The following SORCS3 variants were observed in gnomAD, a reference collection of about 807,000 sequenced individuals.
SORCS3 encodes VPS10 domain-containing receptor SorCS3.
SORCS3 carries 57 observed loss-of-function variants against 146.3 expected under a neutral mutation model. The observed-to-expected ratio is 0.39, with a 90% CI of 0.31 to 0.49. The LOEUF (loss-of-function observed/expected upper bound fraction) is 0.49, where lower values mean the gene tolerates loss of function less well. SORCS3 is among the 20% of genes least tolerant of loss of function. The pLI is 0.92. For missense variants in SORCS3, 1,341 were observed against 1,575.5 expected (o/e 0.85, Z 2.52); for synonymous variants, 653 against 618.5 (o/e 1.06, Z -0.83).
At chr10:105,166,485 T>A (rs925050362) in intron 12 of SORCS3, among the ~76,000 whole-genome samples, 1 of 152,188 alleles carries the variant, frequency 6.6e-6, no homozygotes, top group Non-Finnish European at 1.5e-5. Flanking sequence ...CATTGATATA[T>A]GTGGGCTTAG....
chr10:104,983,844 G>C (rs2133656547), intron 4 of SORCS3, among the ~76,000 whole-genome samples: 1 of 152,014 alleles, frequency 6.6e-6, no homozygotes, highest in South Asian at 2.1e-4. Flanking sequence ...CCTATATCTT[G>C]ACCACTCACT....
intron 1 of SORCS3, among the ~76,000 whole-genome samples, chr10:104,823,341 AC>A (rs1450201881): frequency 1.3e-5 from 2 of 152,130 alleles, no homozygotes; most frequent in African/African-American, 4.8e-5. Flanking sequence ...TGGATCTCAA[AC>A]CTAGACTTGT....
intron 3 of SORCS3, among the ~76,000 whole-genome samples, chr10:104,958,972 C>A (rs2054773168): frequency 6.6e-6 from 1 of 152,034 alleles, no homozygotes; most frequent in Admixed American, 6.6e-5. Context: ...CACCTCCCAC[C>A]AGGTTCCTCC....
At chr10:105,162,498 G>GAGCC (rs1252455309) in intron 11 of SORCS3, among the ~76,000 whole-genome samples, 2 of 152,226 alleles carry the variant, frequency 1.3e-5, no homozygotes, top group East Asian at 3.9e-4. Context: ...ATCACCCACA[G>GAGCC]AGCCACCTAA....
chr10:104,876,187 C>T (rs550470493), intron 2 of SORCS3, among the ~76,000 whole-genome samples: 1 of 152,292 alleles, frequency 6.6e-6, no homozygotes, highest in South Asian at 2.1e-4. Flanking sequence ...GGGCAATAAA[C>T]ATTCCTGAAA....
At chr10:104,876,662 C>G (rs2018574908) in intron 2 of SORCS3, among the ~76,000 whole-genome samples, 1 of 151,966 alleles carries the variant, frequency 6.6e-6, no homozygotes, top group Admixed American at 6.6e-5. Flanking sequence ...ACACCATTGT[C>G]AGATGCTGTC....
intron 1 of SORCS3, among the ~76,000 whole-genome samples, chr10:104,718,792 A>T (rs754173512): frequency 1.2e-4 from 19 of 152,232 alleles, no homozygotes; most frequent in African/African-American, 2.2e-4. Context: ...GAGGAAGTCC[A>T]GGAAAGTGGG....
At chr10:105,018,069 TA>T (rs2055178058) in intron 4 of SORCS3, among the ~76,000 whole-genome samples, 1 of 152,204 alleles carries the variant, frequency 6.6e-6, no homozygotes, top group Non-Finnish European at 1.5e-5. Flanking sequence ...ATTTATGGGC[TA>T]AGTTAGCTGT....
intron 1 of SORCS3, among the ~76,000 whole-genome samples, chr10:104,705,602 T>G (rs2016328092): frequency 6.6e-6 from 1 of 152,214 alleles, no homozygotes; most frequent in Admixed American, 6.5e-5. Flanking sequence ...GTTTTGAGAA[T>G]GGACACGGTT....
At chr10:105,239,155 T>C (rs1280391964) in intron 20 of SORCS3, among the ~76,000 whole-genome samples, 1 of 152,212 alleles carries the variant, frequency 6.6e-6, no homozygotes, top group Non-Finnish European at 1.5e-5. Context: ...CTATAGATAG[T>C]ATTTTGCTTT....
chr10:105,169,070 T>C lies in SORCS3; in HGVS notation c.1901+1721T>C, dbSNP rs7099388. On this transcript the variant is annotated intron_variant, in intron 13 of 26. Transcript: ENST00000369701. ...ACTGTTCTAAACCATTTACATGAATTATCTCATTTAATGCTTGCCCAACCT... is the reference window on the plus strand; with the variant it reads ...ACTGTTCTAAACCATTTACATGAATCATCTCATTTAATGCTTGCCCAACCT... Among the ~76,000 whole-genome samples, 880 of 152,258 alleles carry C rather than the reference T, an allele frequency of 5.8e-3. 10 individuals are homozygous for C. Among genetic ancestry groups the C allele is most frequent in the African/African-American group, 0.02 (826 of 41,550 alleles).
intron 4 of SORCS3, among the ~76,000 whole-genome samples, chr10:105,013,626 T>C (rs1440071910): frequency 6.6e-6 from 1 of 152,004 alleles, no homozygotes; most frequent in Non-Finnish European, 1.5e-5. Flanking sequence ...AAAACAAAAG[T>C]TGGGCAAGGT....
chr10:104,985,105 G>A (rs1234615821), intron 4 of SORCS3, among the ~76,000 whole-genome samples: 2 of 152,098 alleles, frequency 1.3e-5, no homozygotes, highest in African/African-American at 4.8e-5. Flanking sequence ...AACATGCAAT[G>A]CTGTTTGACA....
intron 1 of SORCS3, among the ~76,000 whole-genome samples, chr10:104,813,684 C>T (rs956136047): frequency 1.3e-5 from 2 of 152,052 alleles, no homozygotes; most frequent in Non-Finnish European, 2.9e-5. Context: ...CTGATGGCGC[C>T]AAATGAGAAG....
chr10:105,101,460 A>G (rs921166825), intron 6 of SORCS3, among the ~76,000 whole-genome samples: 2 of 152,196 alleles, frequency 1.3e-5, no homozygotes, highest in Non-Finnish European at 2.9e-5. Flanking sequence ...GAGACTTCCA[A>G]TATTTGAGTC....
At chr10:104,981,287 G>T (rs2054930230) in intron 4 of SORCS3, among the ~76,000 whole-genome samples, 1 of 152,096 alleles carries the variant, frequency 6.6e-6, no homozygotes, top group Non-Finnish European at 1.5e-5. Context: ...AAAGACAAGA[G>T]ATTCATTCTT....
chr10:105,005,966 A>G (rs926147318), intron 4 of SORCS3, among the ~76,000 whole-genome samples: 1 of 152,088 alleles, frequency 6.6e-6, no homozygotes, highest in Non-Finnish European at 1.5e-5. Flanking sequence ...TTTCTTTAAG[A>G]TGGAGTCTTG....
At chr10:105,093,825 G>T (rs1417724601) in intron 6 of SORCS3, among the ~76,000 whole-genome samples, 1 of 152,062 alleles carries the variant, frequency 6.6e-6, no homozygotes, top group Non-Finnish European at 1.5e-5. Flanking sequence ...AAGATATTTT[G>T]GTAGTTTGTT....
In SORCS3 at chr10:105,196,122, T is replaced by A. The variant is rs560254540; in HGVS notation, c.2010-3877T>A. Among the ~76,000 whole-genome samples the A allele has an allele frequency of 2.0e-3, 300 of 152,318 alleles. 1 individual carries two copies. The highest frequency in any genetic ancestry group is 3.2e-3 in the Non-Finnish European group (216 of 68,026). On this transcript the variant is annotated intron_variant, in intron 14 of 26. Coordinates refer to ENST00000369701, the MANE Select transcript of SORCS3 (RefSeq NM_014978.3). ...CCTGAAATGAGCACTCTGAGATCAG[T>A]AATGGATATCTCAAAGAGTTGGAAA...
Sources: gnomAD v4.1 joint callset for allele counts (sites outside exome capture counted in the v4.1 genomes callset) on GRCh38, gnomAD v4.1.1 for gene constraint, MANE v1.5 for transcripts, NCBI Gene and HGNC (gene_info 2026-07-23, HGNC 2026-07-21) for gene names.